NFYC: variants seen among roughly 807,000 people sequenced by gnomAD.
NFYC encodes nuclear transcription factor Y subunit gamma, also known as CAAT box DNA-binding protein subunit C.
In NFYC, 25 loss-of-function variants were observed where a neutral mutation model predicts 53.1. The ratio of observed to expected loss-of-function variants is 0.47; its 90% confidence interval spans 0.34 to 0.66. The LOEUF is 0.66. Ranked by LOEUF, NFYC falls within the 30% of genes least tolerant of loss-of-function variation. The probability of loss-of-function intolerance (pLI) is 0.01; values close to 1 mark genes in which losing one functional copy is unlikely to be tolerated. For missense variants in NFYC, 260 were observed against 422.7 expected (o/e 0.62, Z 3.38); for synonymous variants, 145 against 152.6 (o/e 0.95, Z 0.37).
chr1:40,770,953 T>A lies in NFYC; in HGVS notation c.*125T>A, dbSNP rs1647059085. Reference sequence around the variant, plus strand: ...CAGCGCCTCCTGCAGGCTAGGACACTGGTGCACTACACCCCATGCCTGGGG... The same window carrying A: ...CAGCGCCTCCTGCAGGCTAGGACACAGGTGCACTACACCCCATGCCTGGGG... On this transcript the variant is annotated 3_prime_UTR_variant, in exon 10 of 10. Transcript: ENST00000447388. The surrounding 1 kb of genome is among the most constrained non-coding windows in gnomAD (Gnocchi z 5.3). 1.1e-6 allele frequency: 1 copy of A among 943,602 alleles called. No homozygotes were observed. Among genetic ancestry groups the A allele is most frequent in the Non-Finnish European group, 1.6e-6 (1 of 615,764 alleles). 58.5% of individuals were successfully genotyped at this position (943,602 alleles called of 1,614,324 possible). A position where few individuals can be genotyped will look rare whatever the true frequency, so the allele number is the denominator to read the frequency against.
At chr1:40,734,147 T>C (rs1227594124) in intron 1 of NFYC, among the ~76,000 whole-genome samples, 2 of 152,080 alleles carry the variant, frequency 1.3e-5, no homozygotes, top group Non-Finnish European at 2.9e-5. Context: ...TCCGGAGTTG[T>C]TGGGATTACA....
chr1:40,742,390 T>C (rs922935079), intron 2 of NFYC, among the ~76,000 whole-genome samples: 2 of 152,260 alleles, frequency 1.3e-5, no homozygotes, highest in African/African-American at 4.8e-5. Context: ...CTTTGATTTG[T>C]AACCTACTTG....
At chr1:40,763,087 AG>A in intron 7 of NFYC, 41 bp downstream of exon 7, 1 of 1,495,952 alleles carries the variant, frequency 6.7e-7, no homozygotes, top group Admixed American at 2.2e-5. Context: ...ACTTTATAGA[AG>A]GAAATACTTA....
intron 8 of NFYC, chr1:40,768,697 C>G (rs1646940018): frequency 6.6e-6 from 1 of 152,470 alleles, no homozygotes; most frequent in Non-Finnish European, 1.5e-5. Flanking sequence ...CATTCACAGT[C>G]CACACATAAG....
At chr1:40,733,063 A>T (rs1392415646) in intron 1 of NFYC, among the ~76,000 whole-genome samples, 1 of 111,986 alleles carries the variant, frequency 8.9e-6, no homozygotes. Context: ...TCAGTCTTGC[A>T]CCTCCTCTTA....
At chr1:40,758,513 T>A in intron 6 of NFYC, 1 of 506,780 alleles carries the variant, frequency 2.0e-6, no homozygotes, top group Non-Finnish European at 3.4e-6. Flanking sequence ...GAGGAAAGTG[T>A]ACTAGACAGT....
chr1:40,758,356 C>T, intron 6 of NFYC, 62 bp downstream of exon 6: 1 of 1,506,474 alleles, frequency 6.6e-7, no homozygotes, highest in Non-Finnish European at 8.9e-7. Flanking sequence ...TTTGGATGGG[C>T]AGAGCTTGAT....
intron 1 of NFYC, among the ~76,000 whole-genome samples, chr1:40,730,195 C>CTTTTTTTTTT (rs34045698): frequency 1.1e-4 from 11 of 101,978 alleles, no homozygotes; most frequent in Non-Finnish European, 1.7e-4. Context: ...TCTTTCTTTT[C>CTTTTTTTTTT]TTTTTTTTTT....
chr1:40,759,571 G>GTA (rs1164735561), intron 6 of NFYC, among the ~76,000 whole-genome samples: 1 of 150,788 alleles, frequency 6.6e-6, no homozygotes, highest in Non-Finnish European at 1.5e-5. Context: ...GTGTGTGTGT[G>GTA]TGTGTATGTG....
chr1:40,766,480 CT>C (rs1320942844), intron 7 of NFYC, 115 bp from the exon 8 acceptor site: 6 of 728,774 alleles, frequency 8.2e-6, no homozygotes, highest in African/African-American at 1.8e-5. Context: ...TCAGGGCAGG[CT>C]TCTTTGGAGG....
rs1286677855 is a variant in NFYC, at chr1:40,753,192, T to G, written c.333T>G (p.Phe111Leu). The G allele has an allele frequency of 6.2e-7, 1 of 1,613,910 alleles. No individual in the cohort carries two copies. The highest frequency in any genetic ancestry group is 8.5e-7 in the Non-Finnish European group (1 of 1,179,940). ...TGGCAATTACAAAATTTGATCAGTT[T>G]GATTTTCTCATCGATATTGTTCCAA... ...IAMAITKFDQFDFLIDIVPRD... is the reference protein window; with the variant it reads ...IAMAITKFDQLDFLIDIVPRD... Residue 111 changes from phenylalanine (F) to leucine (L), a missense_variant, in exon 5 of 10, where the codon TTT (phenylalanine) becomes TTG (leucine). Transcript: ENST00000447388.
At position 40,770,415 on chromosome 1, in the gene NFYC, G is replaced by A; in HGVS notation, c.889-294G>A. 1 of 1,548,646 alleles carries A rather than the reference G, an allele frequency of 6.5e-7. No homozygotes were observed. On this transcript the variant is annotated intron_variant, in intron 9 of 9. Coordinates refer to ENST00000447388, the MANE Select transcript of NFYC (RefSeq NM_014223.5). The surrounding 1 kb of genome is among the most constrained non-coding windows in gnomAD (Gnocchi z 5.3). ...GCCACAGAGGAACAGCGTGCAGCAA[G>A]CTCGAGTCTCTGAGCTAACGGGAGA... is the stretch of plus-strand genomic sequence containing the variant.
rs766705987 is a variant in NFYC at position 40,707,654 on chromosome 1, GA to G, written c.-9+15799del. The stretch of plus-strand genomic sequence containing the variant: ...ACCCATCTCTACCAATTTAAAAAAA[GA>G]AAAAAAAAAAACAAGAAAAGAAAGA... On this transcript the variant is annotated intron_variant, in intron 1 of 9. Transcript: ENST00000447388. Among the ~76,000 whole-genome samples the G allele has an allele frequency of 7.1e-3, 951 of 133,464 alleles. 3 individuals carry two copies. Among genetic ancestry groups the G allele is most frequent in the Non-Finnish European group, 0.01 (622 of 61,074 alleles). 87.6% of individuals were successfully genotyped at this position (133,464 alleles called of 152,430 possible).
At chr1:40,764,611 C>T (rs930198755) in intron 7 of NFYC, among the ~76,000 whole-genome samples, 1 of 152,214 alleles carries the variant, frequency 6.6e-6, no homozygotes, top group African/African-American at 2.4e-5. Context: ...AGATTTGTTG[C>T]AGAATTCACT....
chr1:40,738,847 T>G lies in NFYC; in HGVS notation c.4T>G (p.Ser2Ala). Residue 2 changes from serine (S) to alanine (A), a missense_variant, in exon 2 of 10, where the codon TCC becomes GCC. Ser to Ala is a moderately conservative substitution (Grantham distance 99, BLOSUM62 1). Transcript: ENST00000447388. M[S>A]TEGGFGGTSS... ...GTGTTTATTTTCAGTTGTCGAGATGTCCACAGAAGGAGGATTTGGTGGTAC... is the reference window on the plus strand; with the variant it reads ...GTGTTTATTTTCAGTTGTCGAGATGGCCACAGAAGGAGGATTTGGTGGTAC... 1.2e-6 allele frequency: 2 copies of G among 1,613,422 alleles called. No individual in the cohort carries two copies. The highest frequency in any genetic ancestry group is 1.7e-6 in the Non-Finnish European group (2 of 1,179,342).
intron 1 of NFYC, among the ~76,000 whole-genome samples, chr1:40,706,042 G>A (rs1643678457): frequency 6.6e-6 from 1 of 152,156 alleles, no homozygotes; most frequent in Admixed American, 6.5e-5. Context: ...CAACACGCCT[G>A]GCCCAGATTT....
chr1:40,696,762 G>A (rs1194692809), intron 1 of NFYC, among the ~76,000 whole-genome samples: 2 of 152,240 alleles, frequency 1.3e-5, no homozygotes, highest in Non-Finnish European at 2.9e-5. Context: ...TTGCCAGTAA[G>A]TTGTTCTTTT....
chr1:40,770,920 G>A lies in NFYC; in HGVS notation c.*92G>A. On this transcript the variant is annotated 3_prime_UTR_variant, in exon 10 of 10. Coordinates refer to ENST00000447388, the MANE Select transcript of NFYC (RefSeq NM_014223.5). This position sits in a 1 kb window ranked among gnomAD's most constrained non-coding sequence, Gnocchi z 5.3. The stretch of plus-strand genomic sequence containing the variant: ...ACAGCCTTCCTCCCCAGAGGACCCG[G>A]CCGACCTCAGCGCCTCCTGCAGGCT... The A allele has an allele frequency of 7.2e-7, 1 of 1,395,028 alleles. No homozygotes were observed. Among genetic ancestry groups the A allele is most frequent in the Non-Finnish European group, 9.9e-7 (1 of 1,010,738 alleles). The allele number at this position is 1,395,028 out of a possible 1,614,324, so 86.4% of individuals were successfully genotyped here.
chr1:40,705,107 T>G (rs1054931810), intron 1 of NFYC, among the ~76,000 whole-genome samples: 9 of 152,246 alleles, frequency 5.9e-5, no homozygotes, highest in African/African-American at 2.2e-4. Flanking sequence ...CTGGTATACA[T>G]GGTGATATCT....
Sources: allele counts gnomAD v4.1 joint callset (sites outside exome capture counted in the v4.1 genomes callset), GRCh38; gene constraint gnomAD v4.1.1; non-coding constraint Gnocchi (gnomAD v3.1); transcripts MANE v1.5; gene names NCBI Gene and HGNC (gene_info 2026-07-23, HGNC 2026-07-21).